ANO4: variants seen among roughly 807,000 people sequenced by gnomAD.
The protein encoded by ANO4 is anoctamin 4.
ANO4 carries 69 observed loss-of-function variants against 141.9 expected under a neutral mutation model. The observed-to-expected ratio is 0.49, with a 90% CI of 0.40 to 0.59. ANO4 has a LOEUF of 0.59. Ranked by LOEUF, ANO4 falls within the 20% of genes least tolerant of loss-of-function variation. The pLI, the probability that ANO4 is intolerant of heterozygous loss-of-function variation, is 0.00. For synonymous variants in ANO4, 350 were observed against 394.3 expected (o/e 0.89, Z 1.33); for missense variants, 894 against 1,162.2 (o/e 0.77, Z 3.36).
chr12:100,735,640 A>G (rs939317364), intron 2 of ANO4, among the ~76,000 whole-genome samples: 3 of 151,722 alleles, frequency 2.0e-5, no homozygotes, highest in African/African-American at 7.3e-5. Context: ...GTCTAGGGGG[A>G]GAGGGATGGA....
chr12:100,882,888 A>G (rs2039638741), intron 1 of ANO4, among the ~76,000 whole-genome samples: 1 of 151,948 alleles, frequency 6.6e-6, no homozygotes, highest in East Asian at 1.9e-4. Context: ...TTTAGTAGAG[A>G]CGAGGTTTCT....
At chr12:101,051,078 A>G (rs996329030) in intron 14 of ANO4, among the ~76,000 whole-genome samples, 1 of 152,220 alleles carries the variant, frequency 6.6e-6, no homozygotes, top group African/African-American at 2.4e-5. Context: ...AAATTTTTGT[A>G]TGATGACATT....
At chr12:100,998,770 A>G (rs980267432) in intron 8 of ANO4, among the ~76,000 whole-genome samples, 2 of 152,196 alleles carry the variant, frequency 1.3e-5, no homozygotes, top group Admixed American at 6.5e-5. Context: ...GGTTGTCAAT[A>G]TTAGAGTCAG....
rs118101026 is a variant in ANO4 at position 100,922,940 on chromosome 12, G to A, written c.160+610G>A. Among the ~76,000 whole-genome samples the A allele has an allele frequency of 1.1e-3, 162 of 152,200 alleles. 3 individuals are homozygous for A. The East Asian group carries it at 0.017, about 16-fold the overall frequency. ...AAGTTAAATATTTAGCATTGAGGAT[G>A]GGTGATGCGGTGTCTCATACTAAGT... On this transcript the variant is annotated intron_variant, in intron 3 of 27. Transcript: ENST00000392977.
intron 14 of ANO4, among the ~76,000 whole-genome samples, chr12:101,074,365 A>G (rs2048942703): frequency 6.6e-6 from 1 of 152,104 alleles, no homozygotes; most frequent in Non-Finnish European, 1.5e-5. Context: ...CCTGGGTTCT[A>G]CCCGTCCAGA....
chr12:100,860,231 C>A (rs2038399342), intron 1 of ANO4, among the ~76,000 whole-genome samples: 4 of 152,150 alleles, frequency 2.6e-5, no homozygotes, highest in Admixed American at 2.0e-4. Flanking sequence ...TTCCACTGGA[C>A]ATTATAATTA....
chr12:100,938,873 T>G (rs1211043076), intron 3 of ANO4, among the ~76,000 whole-genome samples: 2 of 152,186 alleles, frequency 1.3e-5, no homozygotes, highest in African/African-American at 4.8e-5. Flanking sequence ...TACTGAATAG[T>G]TCAAGTGGCA....
intron 5 of ANO4, among the ~76,000 whole-genome samples, chr12:100,953,778 T>C (rs529039355): frequency 6.6e-6 from 1 of 152,312 alleles, no homozygotes; most frequent in East Asian, 1.9e-4. Context: ...CCCAACTCTC[T>C]AAAGCATTGC....
intron 3 of ANO4, among the ~76,000 whole-genome samples, chr12:100,789,491 A>G (rs778923158): frequency 1.3e-4 from 20 of 152,242 alleles, no homozygotes; most frequent in Non-Finnish European, 2.4e-4. Flanking sequence ...AGCTATGCCT[A>G]CTACCATATG....
intron 1 of ANO4, among the ~76,000 whole-genome samples, chr12:100,854,576 T>C (rs1404112934): frequency 6.6e-6 from 1 of 152,182 alleles, no homozygotes; most frequent in Admixed American, 6.5e-5. Flanking sequence ...GCATTCTGCA[T>C]GATTTTCCCA....
intron 3 of ANO4, among the ~76,000 whole-genome samples, chr12:100,772,315 G>A (rs552476598): frequency 1.6e-4 from 25 of 152,182 alleles, no homozygotes; most frequent in Non-Finnish European, 2.5e-4. Flanking sequence ...TCGAAAGGGC[G>A]TTTAGTGTGG....
At chr12:100,740,228 A>G (rs1175996483) in intron 3 of ANO4, 2 of 634,422 alleles carry the variant, frequency 3.2e-6, no homozygotes, top group Admixed American at 4.4e-5. Flanking sequence ...CCCCAACAAT[A>G]CCTCTATGTT....
chr12:100,737,561 A>G (rs906639981), intron 2 of ANO4, among the ~76,000 whole-genome samples: 3 of 152,154 alleles, frequency 2.0e-5, no homozygotes, highest in African/African-American at 7.2e-5. Flanking sequence ...CCTGGGTCAC[A>G]AGGCTGTGTG....
chr12:100,825,083 A>T (rs2036259255), intron 1 of ANO4, among the ~76,000 whole-genome samples: 1 of 152,078 alleles, frequency 6.6e-6, no homozygotes, highest in Admixed American at 6.6e-5. Context: ...CCGTGGTATC[A>T]TCAAAATAAC....
intron 12 of ANO4, 125 bp downstream of exon 12, chr12:101,042,593 G>A: frequency 1.5e-6 from 2 of 1,338,284 alleles, no homozygotes; most frequent in South Asian, 1.4e-5. Flanking sequence ...CCCTCTCATG[G>A]AAAAACTCAA....
chr12:100,945,311 G>C (rs1008203953), intron 5 of ANO4, among the ~76,000 whole-genome samples: 2 of 152,194 alleles, frequency 1.3e-5, no homozygotes, highest in African/African-American at 4.8e-5. Context: ...ACATAGTCAA[G>C]TTTAATCTTT....
intron 14 of ANO4, among the ~76,000 whole-genome samples, chr12:101,073,235 T>G (rs982873263): frequency 1.3e-5 from 2 of 152,094 alleles, no homozygotes; most frequent in South Asian, 4.1e-4. Context: ...TGGCATACTA[T>G]GCAGCCATAA....
intron 1 of ANO4, among the ~76,000 whole-genome samples, chr12:100,811,469 C>T (rs2035429987): frequency 6.6e-6 from 1 of 152,128 alleles, no homozygotes; most frequent in Non-Finnish European, 1.5e-5. Flanking sequence ...TTTTTTATGG[C>T]TCCCAGCCAG....
At chr12:100,820,585 A>G (rs1023809726) in intron 1 of ANO4, among the ~76,000 whole-genome samples, 3 of 152,170 alleles carry the variant, frequency 2.0e-5, no homozygotes, top group African/African-American at 7.2e-5. Flanking sequence ...TGAGTGTTTT[A>G]GAGCTGTCAG....
Sources: gnomAD v4.1 joint callset for allele counts (sites outside exome capture counted in the v4.1 genomes callset) on GRCh38, gnomAD v4.1.1 for gene constraint, MANE v1.5 for transcripts, NCBI Gene and HGNC (gene_info 2026-07-23, HGNC 2026-07-21) for gene names.